The following RUBCN variants were observed in gnomAD, a reference collection of about 807,000 sequenced individuals.
RUBCN encodes rubicon autophagy regulator.
In RUBCN, 74 loss-of-function variants were observed where a neutral mutation model predicts 113.2. The ratio of observed to expected loss-of-function variants is 0.65; its 90% confidence interval spans 0.54 to 0.79. The LOEUF (loss-of-function observed/expected upper bound fraction) is 0.79. Ranked by LOEUF, RUBCN falls within the 30% of genes least tolerant of loss-of-function variation. RUBCN has a pLI of 0.00. For missense variants in RUBCN, 1,109 were observed against 1,251.7 expected (o/e 0.89, Z 1.72); for synonymous variants, 480 against 490.0 (o/e 0.98, Z 0.27).
intron 2 of RUBCN, among the ~76,000 whole-genome samples, chr3:197,713,087 G>A (rs1415985469): frequency 6.6e-6 from 1 of 152,124 alleles, no homozygotes. Flanking sequence ...GTAAACTTCT[G>A]ACCTCAGGTG....
At chr3:197,709,910 C>T (rs1002554620) in intron 2 of RUBCN, among the ~76,000 whole-genome samples, 7 of 151,848 alleles carry the variant, frequency 4.6e-5, no homozygotes, top group African/African-American at 1.7e-4. Flanking sequence ...GGCGCACACC[C>T]GTTTAATCCC....
chr3:197,701,739 G>A lies in RUBCN; in HGVS notation c.696C>T (p.Ser232=). The A allele has an allele frequency of 6.2e-7, 1 of 1,614,098 alleles. No individual in the cohort carries two copies. Among genetic ancestry groups the A allele is most frequent in the Non-Finnish European group, 8.5e-7 (1 of 1,179,958 alleles). ...CATTGTTGGGCACGGATTGGTGGAGGCTAGAGAAGGACCCAAAGTAGGAAT... is the reference window on the plus strand; with the variant it reads ...CATTGTTGGGCACGGATTGGTGGAGACTAGAGAAGGACCCAAAGTAGGAAT... ...AQHSYFGSFS[S]LHQSVPNNGS... Residue 232 remains serine (S), a synonymous_variant, in exon 6 of 20, where the codon AGC becomes AGT. Transcript: ENST00000296343.
intron 16 of RUBCN, among the ~76,000 whole-genome samples, chr3:197,680,585 G>A (rs1560405345): frequency 6.6e-6 from 1 of 152,200 alleles, no homozygotes; most frequent in Non-Finnish European, 1.5e-5. Context: ...GCTTCAGACT[G>A]TCCTATGCTC....
Position 197,674,903 on chromosome 3 carries a change from ATAAT to A in RUBCN, c.*111_*114del. On this transcript the variant is annotated 3_prime_UTR_variant, in exon 20 of 20. Transcript: ENST00000296343. ...AGTAAAAAAAAAAAAAAAGATGATGATAATTAAAAAAAAAAAAAAAAAAAGAAGC... is the reference window on the plus strand; with the variant it reads ...AGTAAAAAAAAAAAAAAAGATGATGATAAAAAAAAAAAAAAAAAAAGAAGC... 2 of 812,076 alleles carry A rather than the reference ATAAT, an allele frequency of 2.5e-6. No individual in the cohort carries two copies. Among genetic ancestry groups the A allele is most frequent in the Non-Finnish European group, 3.7e-6 (2 of 544,578 alleles). 50.3% of individuals were successfully genotyped at this position (812,076 alleles called of 1,614,324 possible). A position where few individuals can be genotyped will look rare whatever the true frequency, so the allele number is the denominator to read the frequency against.
chr3:197,684,207 G>C lies in RUBCN; in HGVS notation c.1797C>G (p.Ile599Met), dbSNP rs764245928. 6.2e-7 allele frequency: 1 copy of C among 1,613,556 alleles called. No homozygotes were observed. The highest frequency in any genetic ancestry group is 8.5e-7 in the Non-Finnish European group (1 of 1,179,496). ...TGCTGCTTGAGGCTGTGTTCCTTCT[G>C]ATGTCAGCATCTACATGGAAACCAG... Reference protein sequence around the residue: ...VDEFEIQDADIRRNTASSSKS... With the variant: ...VDEFEIQDADMRRNTASSSKS... Residue 599 changes from isoleucine to methionine, a missense_variant, in exon 12 of 20, where the codon ATC becomes ATG. This residue lies in a region of RUBCN where 736 missense variants were observed against 779.6 expected (regional missense o/e 0.94). Coordinates refer to ENST00000296343, the MANE Select transcript of RUBCN (RefSeq NM_014687.4).
chr3:197,730,995 T>C (rs963805989), intron 1 of RUBCN, among the ~76,000 whole-genome samples: 6 of 151,308 alleles, frequency 4.0e-5, no homozygotes, highest in African/African-American at 1.5e-4. Flanking sequence ...AGAGGTTTTT[T>C]GTTTTTGTTT....
intron 1 of RUBCN, among the ~76,000 whole-genome samples, chr3:197,742,769 C>T (rs1728578884): frequency 2.6e-5 from 4 of 152,228 alleles, no homozygotes; most frequent in African/African-American, 7.2e-5. Context: ...TGAAGACCCG[C>T]GACCCAAGAA....
At chr3:197,726,324 G>GCAAGCTCTGCCTCCTGGGTTCACAC (rs1186978603) in intron 1 of RUBCN, among the ~76,000 whole-genome samples, 1 of 151,904 alleles carries the variant, frequency 6.6e-6, no homozygotes, top group Non-Finnish European at 1.5e-5. Flanking sequence ...TCGGTTCACT[G>GCAAGCTCTGCCTCCTGGGTTCACAC]CAAGCTCTGC....
intron 11 of RUBCN, among the ~76,000 whole-genome samples, chr3:197,687,409 T>G (rs1034403774): frequency 1.3e-5 from 2 of 152,250 alleles, no homozygotes; most frequent in African/African-American, 4.8e-5. Context: ...TATCAATTTA[T>G]TGTCTTTCAA....
At chr3:197,738,245 G>A (rs971147391), upstream of RUBCN, among the ~76,000 whole-genome samples, 5 of 152,226 alleles carry the variant, frequency 3.3e-5, no homozygotes, top group African/African-American at 1.2e-4. Flanking sequence ...AGCGGTTGAA[G>A]AGAACAAGGA....
rs71166707 is a variant in RUBCN at position 197,730,885 on chromosome 3, C to CTTTTTTTTTTTTTTT, written c.65+5755_65+5769dup. Among the ~76,000 whole-genome samples the CTTTTTTTTTTTTTTT allele has an allele frequency of 2.2e-4, 11 of 49,994 alleles. 1 individual carries two copies. Among genetic ancestry groups the CTTTTTTTTTTTTTTT allele is most frequent in the African/African-American group, 8.0e-4 (10 of 12,528 alleles). The allele number at this position is 49,994 out of a possible 152,430, so 32.8% of individuals were successfully genotyped here. ...TTTTTTTTTCATATTTTAAAAGCAT[C>CTTTTTTTTTTTTTTT]TTTTTTTTTTTTTTTTTTTTTTTTT... is the stretch of plus-strand genomic sequence containing the variant. On this transcript the variant is annotated intron_variant, in intron 1 of 19. Transcript: ENST00000296343.
rs775246984 is a variant in RUBCN, at chr3:197,696,011, C to T, written c.1358-30G>A. The T allele has an allele frequency of 9.4e-6, 15 of 1,600,074 alleles. No homozygotes were observed. In the South Asian group the frequency reaches 1.3e-4, roughly 14 times the overall value. ...GGGAAATGGAATGTGGATGAAACAG[C>T]CAGGCTTCTTCAGGAAGTCTTAAGC... is the stretch of plus-strand genomic sequence containing the variant. On this transcript the variant is annotated intron_variant, in intron 8 of 19. Coordinates refer to ENST00000296343, the MANE Select transcript of RUBCN (RefSeq NM_014687.4).
chr3:197,696,819 CAA>C (rs1723061905), intron 8 of RUBCN, 133 bp downstream of exon 8: 1 of 652,906 alleles, frequency 1.5e-6, no homozygotes, highest in Non-Finnish European at 2.8e-6. Flanking sequence ...TTAAAAATGA[CAA>C]AAGAGTGACT....
intron 7 of RUBCN, among the ~76,000 whole-genome samples, chr3:197,699,401 A>G (rs915882988): frequency 3.9e-5 from 6 of 152,180 alleles, no homozygotes; most frequent in Non-Finnish European, 7.3e-5. Flanking sequence ...TGCGTGACCC[A>G]TATTTCCTCA....
chr3:197,692,941 T>C (rs914896385), intron 11 of RUBCN, among the ~76,000 whole-genome samples: 2 of 152,252 alleles, frequency 1.3e-5, no homozygotes, highest in East Asian at 3.8e-4. Context: ...AGTTCACCTC[T>C]GTCTACATAC....
intron 16 of RUBCN, among the ~76,000 whole-genome samples, chr3:197,678,289 C>A (rs1478195747): frequency 6.7e-6 from 1 of 150,202 alleles, no homozygotes; most frequent in Non-Finnish European, 1.5e-5. Flanking sequence ...CTGTCCTATG[C>A]TCTGACAACT....
At chr3:197,721,863 T>C (rs1726206653) in intron 1 of RUBCN, among the ~76,000 whole-genome samples, 1 of 152,234 alleles carries the variant, frequency 6.6e-6, no homozygotes, top group Non-Finnish European at 1.5e-5. Flanking sequence ...CAGGAGCATG[T>C]TGTTTAATTT....
At chr3:197,734,932 A>T (rs1353961540) in intron 1 of RUBCN, among the ~76,000 whole-genome samples, 2 of 152,274 alleles carry the variant, frequency 1.3e-5, no homozygotes, top group Admixed American at 1.3e-4. Context: ...TCAACAGGCC[A>T]CTTTGCACAT....
At chr3:197,697,080 C>T in intron 7 of RUBCN, 31 bp from the exon 8 acceptor site, 1 of 1,123,606 alleles carries the variant, frequency 8.9e-7, no homozygotes, top group Non-Finnish European at 1.4e-6. Context: ...CGAGTAAAAA[C>T]ACATACGAAA....
Sources: gnomAD v4.1 joint callset for allele counts (sites outside exome capture counted in the v4.1 genomes callset) on GRCh38, gnomAD v4.1.1 for gene constraint, gnomAD v4.1.1 regional missense constraint, MANE v1.5 for transcripts, NCBI Gene and HGNC (gene_info 2026-07-23, HGNC 2026-07-21) for gene names.